Variants in CPNE8 observed in about 807,000 individuals in gnomAD.
CPNE8 encodes copine 8, also known as copine-8.
A neutral mutation model predicts 81.5 loss-of-function variants in CPNE8; 45 were observed. The ratio of observed to expected loss-of-function variants is 0.55; its 90% confidence interval spans 0.44 to 0.71. The LOEUF (loss-of-function observed/expected upper bound fraction) is 0.71. Ranked by LOEUF, CPNE8 falls within the 30% of genes least tolerant of loss-of-function variation. CPNE8 has a pLI of 0.00. For synonymous variants in CPNE8, 252 were observed against 226.3 expected, an observed-to-expected ratio of 1.11 and a Z score of -1.02; for missense variants, 594 against 672.1, an observed-to-expected ratio of 0.88 and a Z score of 1.28.
chr12:38,722,420 C>G (rs999304634), intron 13 of CPNE8, among the ~76,000 whole-genome samples: 11 of 152,050 alleles, frequency 7.2e-5, no homozygotes, highest in Non-Finnish European at 1.5e-4. Context: ...GCTTTGTATC[C>G]TTAATTAAGA....
At chr12:38,676,255 T>C in intron 17 of CPNE8, 1 of 954,922 alleles carries the variant, frequency 1.0e-6, no homozygotes, top group Non-Finnish European at 1.2e-6. Flanking sequence ...ATAATATACT[T>C]GATTCCATTC....
At chr12:38,873,090 T>A in intron 2 of CPNE8, 40 bp from the exon 3 acceptor site, 5 of 1,263,700 alleles carry the variant, frequency 4.0e-6, no homozygotes, top group Middle Eastern at 1.9e-4. Context: ...AAATGTCTTT[T>A]ATGAAAATCA....
chr12:38,840,861 T>TA (rs1428954341), intron 4 of CPNE8, among the ~76,000 whole-genome samples: 2 of 152,186 alleles, frequency 1.3e-5, no homozygotes, highest in Non-Finnish European at 2.9e-5. Flanking sequence ...TTTGTAGAAG[T>TA]AGAGAGGACA....
At chr12:38,670,870 A>G (rs1311706968) in intron 18 of CPNE8, 68 bp from the exon 19 acceptor site, 1 of 1,161,632 alleles carries the variant, frequency 8.6e-7, no homozygotes, top group Non-Finnish European at 1.3e-6. Flanking sequence ...GTGGACAACA[A>G]GGAAATCAAG....
intron 1 of CPNE8, among the ~76,000 whole-genome samples, chr12:38,895,692 C>G (rs1433660848): frequency 6.6e-6 from 1 of 152,016 alleles, no homozygotes. Flanking sequence ...AGAAATATAT[C>G]CTTTGTGGTA....
chr12:38,829,616 G>A (rs950627925), intron 5 of CPNE8, among the ~76,000 whole-genome samples, 161 bp from the exon 6 acceptor site: 8 of 152,172 alleles, frequency 5.3e-5, no homozygotes, highest in African/African-American at 1.9e-4. Flanking sequence ...ATCTTACCAT[G>A]TGACTTTCAC....
intron 14 of CPNE8, among the ~76,000 whole-genome samples, chr12:38,699,820 T>C (rs996013789): frequency 6.6e-6 from 1 of 152,232 alleles, no homozygotes; most frequent in African/African-American, 2.4e-5. Context: ...TAATATTCCT[T>C]TTGATACTAC....
intron 5 of CPNE8, among the ~76,000 whole-genome samples, chr12:38,836,405 T>C (rs1404121220): frequency 6.6e-6 from 1 of 152,142 alleles, no homozygotes; most frequent in Non-Finnish European, 1.5e-5. Context: ...AAATCTAAGG[T>C]GCAGTTCTAT....
rs1436953907 is a variant in CPNE8 at position 38,653,079 on chromosome 12, T to TA, written c.*802dup. Reference sequence around the variant, plus strand: ...AAATAGCATTATTATATAAGGATGCTACTTTTTACAAAGTATTTTCTGTGC... The same window carrying TA: ...AAATAGCATTATTATATAAGGATGCTAACTTTTTACAAAGTATTTTCTGTGC... On this transcript the variant is annotated 3_prime_UTR_variant, in exon 20 of 20. Transcript: ENST00000331366. 6.6e-6 allele frequency: 1 copy of TA among 152,490 alleles called. No homozygotes were observed. Among genetic ancestry groups the TA allele is most frequent in the Admixed American group, 6.5e-5 (1 of 15,282 alleles). The allele number at this position is 152,490 out of a possible 1,614,324, so 9.4% of individuals were successfully genotyped here.
chr12:38,753,557 A>G (rs1262924658), intron 10 of CPNE8, among the ~76,000 whole-genome samples: 1 of 152,010 alleles, frequency 6.6e-6, no homozygotes, highest in Non-Finnish European at 1.5e-5. Flanking sequence ...CTACTACATT[A>G]AAGGCACTAT....
chr12:38,830,339 A>G (rs1318763774), intron 5 of CPNE8, among the ~76,000 whole-genome samples: 1 of 152,206 alleles, frequency 6.6e-6, no homozygotes, highest in Non-Finnish European at 1.5e-5. Flanking sequence ...AAAACTCTAG[A>G]AGGTTGATTT....
At chr12:38,814,976 C>T (rs185384441) in intron 6 of CPNE8, among the ~76,000 whole-genome samples, 6 of 152,248 alleles carry the variant, frequency 3.9e-5, no homozygotes, top group South Asian at 4.1e-4. Context: ...CAATACCTTA[C>T]GTATGATACT....
intron 10 of CPNE8, 85 bp from the exon 11 acceptor site, chr12:38,730,443 T>A: frequency 1.5e-6 from 1 of 668,452 alleles, no homozygotes; most frequent in South Asian, 2.1e-5. Flanking sequence ...GGTTTAATCA[T>A]TATCAAAAAA....
At chr12:38,886,642 A>T (rs1466823158) in intron 1 of CPNE8, among the ~76,000 whole-genome samples, 3 of 152,218 alleles carry the variant, frequency 2.0e-5, no homozygotes, top group Non-Finnish European at 2.9e-5. Flanking sequence ...AAGAGATGTA[A>T]TGTGAGCCTA....
At chr12:38,891,122 G>T (rs530512920) in intron 1 of CPNE8, among the ~76,000 whole-genome samples, 5 of 151,738 alleles carry the variant, frequency 3.3e-5, no homozygotes, top group Admixed American at 1.3e-4. Flanking sequence ...GTAGAGATGG[G>T]GTTTTACCCT....
chr12:38,772,430 G>C (rs1427416494), intron 7 of CPNE8, among the ~76,000 whole-genome samples: 1 of 151,932 alleles, frequency 6.6e-6, no homozygotes, highest in Non-Finnish European at 1.5e-5. Context: ...ATAAAAAATA[G>C]AAAATCAACC....
At chr12:38,679,327 G>C (rs893194990) in intron 16 of CPNE8, among the ~76,000 whole-genome samples, 2 of 151,832 alleles carry the variant, frequency 1.3e-5, no homozygotes, top group African/African-American at 4.8e-5. Context: ...CTAAGAAAAG[G>C]AGAAGAATAT....
At chr12:38,667,404 G>C (rs1939081653) in intron 19 of CPNE8, among the ~76,000 whole-genome samples, 2 of 152,152 alleles carry the variant, frequency 1.3e-5, no homozygotes, top group African/African-American at 4.8e-5. Flanking sequence ...GGTAGAACCT[G>C]GAAAACTCTG....
Position 38,653,099 on chromosome 12 carries a change from C to T in CPNE8, c.*783G>A, listed in dbSNP as rs537955388. 6.6e-6 allele frequency: 1 copy of T among 152,448 alleles called. No homozygotes were observed. The highest frequency in any genetic ancestry group is 1.5e-5 in the Non-Finnish European group (1 of 68,006). The allele number at this position is 152,448 out of a possible 1,614,324, so 9.4% of individuals were successfully genotyped here. A position where few individuals can be genotyped will look rare whatever the true frequency, so the allele number is the denominator to read the frequency against. On this transcript the variant is annotated 3_prime_UTR_variant, in exon 20 of 20. Transcript: ENST00000331366. ...GATGCTACTTTTTACAAAGTATTTT[C>T]TGTGCATTTATAGATCACAATGTTT...
Sources: allele counts gnomAD v4.1 joint callset (sites outside exome capture counted in the v4.1 genomes callset), GRCh38; gene constraint gnomAD v4.1.1; transcripts MANE v1.5; gene names NCBI Gene and HGNC (gene_info 2026-07-23, HGNC 2026-07-21).